Variants in CELA2B observed in about 807,000 individuals in gnomAD.
The protein encoded by CELA2B is chymotrypsin like elastase 2B, also known as chymotrypsin-like elastase family member 2B.
CELA2B carries 27 observed loss-of-function variants against 36.5 expected under a neutral mutation model. The ratio of observed to expected loss-of-function variants is 0.74; its 90% CI spans 0.55 to 1.02. The LOEUF is 1.02. Among genes scored for constraint, CELA2B ranks in the 50% least tolerant of loss-of-function variants. The pLI, the probability that CELA2B is intolerant of heterozygous loss-of-function variation, is 0.00. For missense variants in CELA2B, 340 were observed against 347.8 expected (o/e 0.98, Z 0.18); for synonymous variants, 143 against 148.5 (o/e 0.96, Z 0.27).
intron 7 of CELA2B, 107 bp downstream of exon 7, chr1:15,487,544 C>A: frequency 6.9e-7 from 1 of 1,443,952 alleles, no homozygotes; most frequent in Non-Finnish European, 9.5e-7. Flanking sequence ...CTCTTGAGAG[C>A]TAGATGGGAA....
intron 4 of CELA2B, 71 bp downstream of exon 4, chr1:15,482,464 G>T (rs1708754918): frequency 6.3e-7 from 1 of 1,597,986 alleles, no homozygotes; most frequent in Non-Finnish European, 8.6e-7. Flanking sequence ...CAGAGGCAAA[G>T]GTCTCAACCC....
At chr1:15,487,126 CTTG>C (rs1479136137) in intron 6 of CELA2B, among the ~76,000 whole-genome samples, 156 bp from the exon 7 acceptor site, 1 of 152,200 alleles carries the variant, frequency 6.6e-6, no homozygotes, top group Non-Finnish European at 1.5e-5. Flanking sequence ...AGTGTTGGCT[CTTG>C]TTGGAATTAT....
chr1:15,485,000 C>T (rs1458378241), intron 5 of CELA2B, among the ~76,000 whole-genome samples: 1 of 151,948 alleles, frequency 6.6e-6, no homozygotes, highest in Non-Finnish European at 1.5e-5. Context: ...CACATTCAAC[C>T]GATTCTCCTG....
At chr1:15,486,453 T>C (rs56229533) in intron 6 of CELA2B, among the ~76,000 whole-genome samples, 2,517 of 152,274 alleles carry the variant, frequency 0.017, 28 homozygotes, top group Non-Finnish European at 0.027. Context: ...CACTCCAGCC[T>C]GGGTGACAGA....
chr1:15,478,993 C>CG (rs147759704), intron 2 of CELA2B, among the ~76,000 whole-genome samples: 15 of 151,956 alleles, frequency 9.9e-5, no homozygotes, highest in East Asian at 1.9e-4. Flanking sequence ...TGGGTTAGCC[C>CG]GGGGGGGAAT....
chr1:15,476,524 G>T lies in CELA2B; in HGVS notation c.108G>T (p.Arg36Ser), dbSNP rs750202039. 2.5e-6 allele frequency: 4 copies of T among 1,613,826 alleles called. No homozygotes were observed. Among genetic ancestry groups the T allele is most frequent in the Non-Finnish European group, 3.4e-6 (4 of 1,180,020 alleles). The change falls in exon 2 of 8, where the codon AGG becomes AGT. Residue 36 changes from arginine to serine, a missense_variant. Physicochemically the swap from Arg to Ser is moderately radical, Grantham distance 110. Coordinates refer to ENST00000375910, the MANE Select transcript of CELA2B (RefSeq NM_015849.3). ...GGATGCTTGGAGGTGAAGAAGCGAG[G>T]CCCAACAGCTGGCCCTGGCAGGTGA... ...MSRMLGGEEA[R>S]PNSWPWQVSL...
intron 5 of CELA2B, among the ~76,000 whole-genome samples, chr1:15,484,984 G>A (rs1708786395): frequency 6.6e-6 from 1 of 151,210 alleles, no homozygotes; most frequent in African/African-American, 2.4e-5. Context: ...TGCAACCTCT[G>A]CCTCCCACAT....
At chr1:15,480,293 T>C (rs1032429327) in intron 2 of CELA2B, among the ~76,000 whole-genome samples, 1 of 152,136 alleles carries the variant, frequency 6.6e-6, no homozygotes, top group Non-Finnish European at 1.5e-5. Flanking sequence ...CACTGCAAGC[T>C]AGACTTCCCA....
intron 5 of CELA2B, 140 bp from the exon 6 acceptor site, chr1:15,485,761 G>C: frequency 9.4e-7 from 1 of 1,068,656 alleles, no homozygotes. Context: ...CAAATGTGAG[G>C]ACACAGTATA....
rs1200198873 is a variant in CELA2B, at chr1:15,483,263, G to A, written c.357-1G>A. The A allele has an allele frequency of 3.1e-6, 5 of 1,613,566 alleles. No individual in the cohort carries two copies. The highest frequency in any genetic ancestry group is 4.2e-6 in the Non-Finnish European group (5 of 1,179,880). On this transcript the variant is annotated splice_acceptor_variant, in intron 4 of 7. Coordinates refer to ENST00000375910, the MANE Select transcript of CELA2B (RefSeq NM_015849.3). LOFTEE classifies it high-confidence loss of function. ...CATGCTCCGCCTCCGCACTCACCCA[G>A]GAACGACATTGCCCTGCTCAAACTG...
chr1:15,482,491 CT>C, intron 4 of CELA2B, 98 bp downstream of exon 4: 1 of 1,518,592 alleles, frequency 6.6e-7, no homozygotes, highest in Non-Finnish European at 9.0e-7. Flanking sequence ...ACCCCCTCTG[CT>C]TTTTCTATAG....
Position 15,482,276 on chromosome 1 carries a change from T to C in CELA2B, c.239T>C (p.Ile80Thr), listed in dbSNP as rs199804944. 159 of 1,613,828 alleles carry C rather than the reference T, an allele frequency of 9.9e-5. No individual in the cohort carries two copies. Among genetic ancestry groups the C allele is most frequent in the Admixed American group, 3.3e-5 (2 of 59,988 alleles). Reference sequence around the variant, plus strand: ...CCCCTTTCTCCCAGCTCCTCCGGGATCTACCGCGTGATGCTGGGCCAGCAT... The same window carrying C: ...CCCCTTTCTCCCAGCTCCTCCGGGACCTACCGCGTGATGCTGGGCCAGCAT... ...TAAHCISSSG[I>T]YRVMLGQHNL... Residue 80 changes from isoleucine (I) to threonine (T), a missense_variant, in exon 4 of 8, where the codon ATC becomes ACC. Ile to Thr is a moderately conservative substitution (Grantham distance 89, BLOSUM62 -1). Transcript: ENST00000375910.
intron 5 of CELA2B, 34 bp downstream of exon 5, chr1:15,483,434 G>A (rs1306243951): frequency 3.1e-6 from 5 of 1,613,230 alleles, no homozygotes; most frequent in South Asian, 1.1e-5. Context: ...AGGCCTGGGA[G>A]GGAAGGGAGG....
Position 15,487,329 on chromosome 1 carries a change from G to C in CELA2B, c.684G>C (p.Arg228=). 2 of 1,614,254 alleles carry C rather than the reference G, an allele frequency of 1.2e-6. No individual in the cohort carries two copies. Among genetic ancestry groups the C allele is most frequent in the African/African-American group, 1.3e-5 (1 of 75,072 alleles). The change falls in exon 7 of 8, where the codon CGG becomes CGC. Residue 228 remains arginine (R), a synonymous_variant. Transcript: ENST00000375910. The part of the protein sequence containing the change: ...GPLNCQASDG[R]WEVHGIGSLT... ...TGAACTGTCAGGCATCTGACGGCCG[G>C]TGGGAGGTGCATGGCATCGGCAGCC...
At chr1:15,486,704 C>T (rs568014765) in intron 6 of CELA2B, among the ~76,000 whole-genome samples, 33 of 152,346 alleles carry the variant, frequency 2.2e-4, no homozygotes, top group African/African-American at 6.3e-4. Flanking sequence ...GAATTACTCT[C>T]ATCAATGGCG....
At chr1:15,481,559 CAG>C (rs1288318084) in intron 3 of CELA2B, 14 of 504,546 alleles carry the variant, frequency 2.8e-5, no homozygotes, top group Middle Eastern at 3.1e-4. Context: ...AATGGAGTAA[CAG>C]AATTTAGTGT....
intron 1 of CELA2B, 24 bp from the exon 2 acceptor site, chr1:15,476,433 T>C (rs1197200529): frequency 1.9e-6 from 3 of 1,611,104 alleles, no homozygotes; most frequent in Middle Eastern, 3.3e-4. Context: ...CTTCCTGGAC[T>C]CAAGACCCTT....
intron 6 of CELA2B, among the ~76,000 whole-genome samples, chr1:15,486,774 C>G (rs1455023919): frequency 2.6e-5 from 4 of 152,206 alleles, no homozygotes; most frequent in Non-Finnish European, 5.9e-5. Context: ...GTCTTAACCA[C>G]CAGGAATTGC....
chr1:15,485,694 G>C (rs1239380067), intron 5 of CELA2B, among the ~76,000 whole-genome samples: 1 of 152,222 alleles, frequency 6.6e-6, no homozygotes, highest in Non-Finnish European at 1.5e-5. Context: ...CATTGGCTTA[G>C]CTTGAGTTAG....
Sources: gnomAD v4.1 joint callset for allele counts (sites outside exome capture counted in the v4.1 genomes callset) on GRCh38, gnomAD v4.1.1 for gene constraint, MANE v1.5 for transcripts, NCBI Gene and HGNC (gene_info 2026-07-23, HGNC 2026-07-21) for gene names.